The following CA5B variants were observed in gnomAD, a reference collection of about 807,000 sequenced individuals.
CA5B encodes carbonic anhydrase 5B.
Under a neutral mutation model 23.1 loss-of-function variants are expected in CA5B, and 15 were observed. The observed-to-expected ratio is 0.65, with a 90% CI of 0.43 to 1.00. CA5B has a LOEUF of 1.00. Among genes scored for constraint, CA5B ranks in the 50% least tolerant of loss-of-function variants. The pLI is 0.00. For missense variants in CA5B, 236 were observed against 252.2 expected (o/e 0.94, Z 0.43); for synonymous variants, 84 against 98.5 (o/e 0.85, Z 0.87).
intron 2 of CA5B, among the ~76,000 whole-genome samples, chrX:15,760,043 C>T (rs1005335930): frequency 1.5e-4 from 16 of 110,302 alleles, no homozygotes; most frequent in African/African-American, 4.3e-4. Flanking sequence ...CATGAGCCAC[C>T]GCACCCGGCC....
intron 2 of CA5B, among the ~76,000 whole-genome samples, chrX:15,752,641 C>T (rs746526774): frequency 1.6e-4 from 18 of 110,190 alleles, no homozygotes; most frequent in South Asian, 3.9e-4. Context: ...ATGAGAATGG[C>T]GTGAACCCGG....
chrX:15,776,517 CAGTT>C (rs1931933996), intron 6 of CA5B, among the ~76,000 whole-genome samples, 193 bp from the exon 7 acceptor site: 1 of 110,968 alleles, frequency 9.0e-6, no homozygotes. Context: ...AAAAAATGCA[CAGTT>C]AATTCCAGAA....
intron 4 of CA5B, 41 bp downstream of exon 4, chrX:15,772,655 G>C (rs748827091): frequency 1.3e-6 from 1 of 792,377 alleles, no homozygotes; most frequent in East Asian, 3.3e-5. Context: ...CTGTAGAGAA[G>C]TGGGGATAAT....
chrX:15,761,941 TAAAACAAAAC>T (rs774028553), intron 2 of CA5B, among the ~76,000 whole-genome samples: 1 of 111,940 alleles, frequency 8.9e-6, no homozygotes, highest in Non-Finnish European at 1.9e-5. Context: ...TTTTTATAAA[TAAAACAAAAC>T]AAAACAAAAC....
At chrX:15,774,601 A>G (rs1275148881) in intron 5 of CA5B, among the ~76,000 whole-genome samples, 2 of 111,869 alleles carry the variant, frequency 1.8e-5, no homozygotes, top group Non-Finnish European at 3.8e-5. Context: ...TGGGAGGCCG[A>G]GGCAGGCAGA....
intron 1 of CA5B, among the ~76,000 whole-genome samples, chrX:15,744,996 C>T (rs1165761180): frequency 9.2e-6 from 1 of 108,949 alleles, no homozygotes; most frequent in Non-Finnish European, 1.9e-5. Flanking sequence ...TGGTGAAACC[C>T]CGTCTCTACT....
At chrX:15,777,341 C>CT (rs1018856643) in intron 7 of CA5B, among the ~76,000 whole-genome samples, 2 of 111,575 alleles carry the variant, frequency 1.8e-5, no homozygotes, top group Non-Finnish European at 3.8e-5. Context: ...CCCTTAGAAA[C>CT]TAAGTCTAAG....
intron 1 of CA5B, among the ~76,000 whole-genome samples, chrX:15,748,912 A>T (rs1931298721): frequency 9.0e-6 from 1 of 111,311 alleles, no homozygotes; most frequent in South Asian, 3.8e-4. Flanking sequence ...GAGCCTCTGC[A>T]CAGGTCGGAG....
chrX:15,771,593 A>ATTTTTTT (rs778122450), intron 3 of CA5B, among the ~76,000 whole-genome samples: 1 of 93,659 alleles, frequency 1.1e-5, no homozygotes. Flanking sequence ...CGCCCAGCTA[A>ATTTTTTT]TTTTTTTTTT....
At chrX:15,767,038 T>C in intron 3 of CA5B, 1 of 850,518 alleles carries the variant, frequency 1.2e-6, no homozygotes, top group Middle Eastern at 3.2e-4. Context: ...TGAGCTCTAC[T>C]TGTCCCCCAT....
chrX:15,747,984 G>T (rs776854593), intron 1 of CA5B, among the ~76,000 whole-genome samples: 106 of 111,720 alleles, frequency 9.5e-4, no homozygotes, highest in South Asian at 2.3e-3. Context: ...ACAAGTGGCG[G>T]ACTGCAGCAG....
rs1227313731 is a variant in CA5B at position 15,784,959 on chromosome X, A to G, written c.*2295A>G. The stretch of plus-strand genomic sequence containing the variant: ...ACATGAAAATATGCTCAACATTGCC[A>G]ATTATTAGGGAAATGCAAATCAAAA... On this transcript the variant is annotated 3_prime_UTR_variant, in exon 8 of 8. Transcript: ENST00000318636. 8.9e-6 allele frequency: 1 copy of G among 112,379 alleles called. No homozygotes were observed. 9.3% of individuals were successfully genotyped at this position (112,379 alleles called of 1,213,427 possible).
At chrX:15,748,081 G>A (rs186604476) in intron 1 of CA5B, among the ~76,000 whole-genome samples, 4 of 112,055 alleles carry the variant, frequency 3.6e-5, no homozygotes, top group Admixed American at 1.9e-4. Context: ...TACATAGCAC[G>A]CAGGAAGGCT....
At chrX:15,753,434 T>C (rs1931420211) in intron 2 of CA5B, among the ~76,000 whole-genome samples, 1 of 111,879 alleles carries the variant, frequency 8.9e-6, no homozygotes, top group African/African-American at 3.3e-5. Flanking sequence ...AGATGAAGCC[T>C]CCCAGTAGCA....
intron 1 of CA5B, among the ~76,000 whole-genome samples, chrX:15,738,798 G>A (rs768815374): frequency 9.0e-6 from 1 of 110,960 alleles, no homozygotes; most frequent in East Asian, 2.8e-4. Flanking sequence ...TCCAGAAACC[G>A]AGGCTCAGTA....
chrX:15,773,243 A>AT (rs769371107), intron 4 of CA5B, among the ~76,000 whole-genome samples: 3 of 110,481 alleles, frequency 2.7e-5, no homozygotes, highest in African/African-American at 9.9e-5. Flanking sequence ...TTTATTTTAT[A>AT]TTTTTTATAT....
In CA5B at chrX:15,776,351, A is replaced by G. The variant is rs777816522; in HGVS notation, c.619-363A>G. On this transcript the variant is annotated intron_variant, in intron 6 of 7. Transcript: ENST00000318636. The stretch of plus-strand genomic sequence containing the variant: ...GAGACTCTGTCTCAAAAAAAAAAAA[A>G]AAAAAAGAAAAAAGAAAAGAAAATG... Among the ~76,000 whole-genome samples the G allele has an allele frequency of 2.5e-3, 267 of 108,369 alleles. 1 individual carries two copies. The highest frequency in any genetic ancestry group is 7.9e-3 in the African/African-American group (237 of 29,897). 94.1% of individuals were successfully genotyped at this position (108,369 alleles called of 115,157 possible). A position where few individuals can be genotyped will look rare whatever the true frequency, so the allele number is the denominator to read the frequency against.
At chrX:15,764,481 C>T (rs1330739563) in intron 2 of CA5B, 97 bp from the exon 3 acceptor site, 39 of 1,148,989 alleles carry the variant, frequency 3.4e-5, no homozygotes, top group Non-Finnish European at 2.6e-5. Flanking sequence ...CTCAAGTGAT[C>T]CACCCGCCTT....
At chrX:15,743,668 A>T (rs919843437) in intron 1 of CA5B, among the ~76,000 whole-genome samples, 26 of 111,611 alleles carry the variant, frequency 2.3e-4, no homozygotes, top group African/African-American at 8.1e-4. Context: ...TTTCTCCTGT[A>T]CCCATGGAAT....
Sources: allele counts gnomAD v4.1 joint callset (sites outside exome capture counted in the v4.1 genomes callset), GRCh38; gene constraint gnomAD v4.1.1; transcripts MANE v1.5; gene names NCBI Gene and HGNC (gene_info 2026-07-23, HGNC 2026-07-21).